The following ST6GALNAC3 variants were observed in gnomAD, a reference collection of about 807,000 sequenced individuals.
The protein encoded by ST6GALNAC3 is ST6 N-acetylgalactosaminide alpha-2,6-sialyltransferase 3.
ST6GALNAC3 carries 25 observed loss-of-function variants against 32.7 expected under a neutral mutation model. The observed-to-expected ratio is 0.76, with a 90% CI of 0.56 to 1.07. The LOEUF is 1.07. Among genes scored for constraint, ST6GALNAC3 ranks in the 50% least tolerant of loss-of-function variants. The probability of loss-of-function intolerance (pLI) is 0.00; values close to 1 mark genes in which losing one functional copy is unlikely to be tolerated. For missense variants in ST6GALNAC3, 355 were observed against 382.4 expected, an observed-to-expected ratio of 0.93 and a Z score of 0.60; for synonymous variants, 129 against 133.1, an observed-to-expected ratio of 0.97 and a Z score of 0.21.
chr1:76,327,870 G>A (rs953572839), intron 2 of ST6GALNAC3, among the ~76,000 whole-genome samples: 5 of 152,242 alleles, frequency 3.3e-5, no homozygotes, highest in South Asian at 2.1e-4. Flanking sequence ...GATTACAGGC[G>A]TGAACCCCCA....
chr1:76,149,002 G>T (rs942634122), intron 1 of ST6GALNAC3, among the ~76,000 whole-genome samples: 6 of 152,140 alleles, frequency 3.9e-5, no homozygotes, highest in African/African-American at 1.4e-4. Context: ...TAGTTTCTTT[G>T]TCTGTCAAAT....
intron 1 of ST6GALNAC3, among the ~76,000 whole-genome samples, chr1:76,131,087 C>G (rs1417722165): frequency 6.6e-6 from 1 of 152,234 alleles, no homozygotes; most frequent in Non-Finnish European, 1.5e-5. Context: ...GATCCACCAG[C>G]TGCTGTGCTT....
chr1:76,302,184 C>A (rs1660767799), intron 1 of ST6GALNAC3, among the ~76,000 whole-genome samples: 1 of 152,082 alleles, frequency 6.6e-6, no homozygotes, highest in South Asian at 2.1e-4. Flanking sequence ...CAGTCACTGT[C>A]AGCCTGCAAC....
chr1:76,437,225 G>A (rs993342195), intron 3 of ST6GALNAC3, among the ~76,000 whole-genome samples: 2 of 152,076 alleles, frequency 1.3e-5, no homozygotes, highest in African/African-American at 2.4e-5. Flanking sequence ...AAGTCTGAAC[G>A]AGAAAGCAAA....
intron 1 of ST6GALNAC3, among the ~76,000 whole-genome samples, chr1:76,230,154 T>G (rs1310026004): frequency 6.6e-6 from 1 of 152,180 alleles, no homozygotes; most frequent in East Asian, 1.9e-4. Flanking sequence ...TTTCTTTATC[T>G]TTTTCTAATG....
chr1:76,539,856 A>G (rs1347127019), intron 3 of ST6GALNAC3, among the ~76,000 whole-genome samples: 3 of 152,188 alleles, frequency 2.0e-5, no homozygotes, highest in African/African-American at 7.2e-5. Context: ...TCAAGAAACA[A>G]TAGATGTTGG....
At chr1:76,437,555 T>C (rs1339116755) in intron 3 of ST6GALNAC3, among the ~76,000 whole-genome samples, 2 of 150,224 alleles carry the variant, frequency 1.3e-5, no homozygotes, top group Middle Eastern at 3.2e-3. Flanking sequence ...AAAATAGCTA[T>C]AATTCTTTTC....
At chr1:76,346,954 A>G (rs141766182) in intron 2 of ST6GALNAC3, among the ~76,000 whole-genome samples, 1 of 152,210 alleles carries the variant, frequency 6.6e-6, no homozygotes, top group African/African-American at 2.4e-5. Context: ...TTGAAATTGT[A>G]TCTGTTAATA....
intron 2 of ST6GALNAC3, among the ~76,000 whole-genome samples, chr1:76,406,236 G>A (rs1653825010): frequency 6.6e-6 from 1 of 152,006 alleles, no homozygotes; most frequent in African/African-American, 2.4e-5. Flanking sequence ...ACTTGCAAAT[G>A]GCCACTGTGA....
At chr1:76,636,846 A>G (rs980323639), downstream of ST6GALNAC3, 2 of 152,260 alleles carry the variant, frequency 1.3e-5, no homozygotes, top group African/African-American at 4.8e-5. Context: ...TAAAAGCAAT[A>G]TAATTAGAGA....
At chr1:76,564,627 C>A (rs1478017506) in intron 3 of ST6GALNAC3, among the ~76,000 whole-genome samples, 4 of 146,976 alleles carry the variant, frequency 2.7e-5, no homozygotes, top group Non-Finnish European at 5.9e-5. Flanking sequence ...GCTCTGTTGC[C>A]CAGGCTGGAG....
intron 1 of ST6GALNAC3, among the ~76,000 whole-genome samples, chr1:76,143,392 CGTGTGTGTGT>C (rs4034974): frequency 2.1e-5 from 3 of 142,348 alleles, no homozygotes; most frequent in African/African-American, 5.2e-5. Context: ...CTTACCAAGT[CGTGTGTGTGT>C]GTGTGTGTGT....
intron 3 of ST6GALNAC3, among the ~76,000 whole-genome samples, chr1:76,546,970 T>C (rs559237018): frequency 6.6e-6 from 1 of 152,198 alleles, no homozygotes; most frequent in African/African-American, 2.4e-5. Context: ...TTAAAAGGAT[T>C]GGATAGCTGT....
intron 3 of ST6GALNAC3, among the ~76,000 whole-genome samples, chr1:76,427,897 ATAG>A (rs1655502727): frequency 6.6e-6 from 1 of 152,146 alleles, no homozygotes; most frequent in African/African-American, 2.4e-5. Flanking sequence ...CCAGGTGTGT[ATAG>A]TAAGCTGCAT....
intron 1 of ST6GALNAC3, among the ~76,000 whole-genome samples, chr1:76,286,639 A>G (rs1390859309): frequency 6.6e-6 from 1 of 152,212 alleles, no homozygotes; most frequent in Admixed American, 6.5e-5. Flanking sequence ...AGGTGCCATG[A>G]CTTGTTGCTT....
At chr1:76,238,511 G>A (rs1296841916) in intron 1 of ST6GALNAC3, among the ~76,000 whole-genome samples, 1 of 152,146 alleles carries the variant, frequency 6.6e-6, no homozygotes, top group Non-Finnish European at 1.5e-5. Context: ...GCTAGGCACT[G>A]GACATTCCGA....
chr1:76,464,297 T>C (rs1488316366), intron 3 of ST6GALNAC3, among the ~76,000 whole-genome samples: 1 of 152,218 alleles, frequency 6.6e-6, no homozygotes, highest in Admixed American at 6.5e-5. Flanking sequence ...TGGAAAGTTA[T>C]TTAAAACCAC....
chr1:76,394,663 A>G (rs914054056), intron 2 of ST6GALNAC3, among the ~76,000 whole-genome samples: 1 of 152,204 alleles, frequency 6.6e-6, no homozygotes, highest in Non-Finnish European at 1.5e-5. Flanking sequence ...GGTAATAGGT[A>G]TGTATTGACA....
At chr1:76,551,416 C>T (rs1358234779) in intron 3 of ST6GALNAC3, among the ~76,000 whole-genome samples, 4 of 152,186 alleles carry the variant, frequency 2.6e-5, no homozygotes, top group African/African-American at 9.7e-5. Flanking sequence ...GAGGCCCACA[C>T]ATGTTTCTTA....
Sources: allele counts gnomAD v4.1 joint callset (sites outside exome capture counted in the v4.1 genomes callset), GRCh38; gene constraint gnomAD v4.1.1; transcripts MANE v1.5; gene names NCBI Gene and HGNC (gene_info 2026-07-23, HGNC 2026-07-21).